Variants in WASF3 observed in about 807,000 individuals in gnomAD.
The protein encoded by WASF3 is actin-binding protein WASF3.
A neutral mutation model predicts 46.6 loss-of-function variants in WASF3; 11 were observed. That is an observed-to-expected ratio of 0.24 (90% confidence interval 0.15 to 0.39). The LOEUF (loss-of-function observed/expected upper bound fraction) is 0.39, where lower values mean the gene tolerates loss of function less well. Among genes scored for constraint, WASF3 ranks in the 10% least tolerant of loss-of-function variants. WASF3 has a pLI of 1.00. For synonymous variants in WASF3, 242 were observed against 259.7 expected, an observed-to-expected ratio of 0.93 and a Z score of 0.65; for missense variants, 576 against 669.8, an observed-to-expected ratio of 0.86 and a Z score of 1.55.
At chr13:26,588,206 A>G (rs549692113) in intron 1 of WASF3, among the ~76,000 whole-genome samples, 1 of 152,374 alleles carries the variant, frequency 6.6e-6, no homozygotes, top group South Asian at 2.1e-4. Flanking sequence ...TAGGAAAAAC[A>G]AGAATATAAG....
chr13:26,544,867 T>C, the WASF3 span, among the ~76,000 whole-genome samples: 2 of 152,282 alleles, frequency 1.3e-5, no homozygotes, highest in South Asian at 4.1e-4. Flanking sequence ...ACACGTGCTC[T>C]GCCTGTTTTT....
At chr13:26,617,266 T>G (rs1458014431) in intron 2 of WASF3, among the ~76,000 whole-genome samples, 5 of 128,528 alleles carry the variant, frequency 3.9e-5, no homozygotes, top group East Asian at 2.0e-4. Flanking sequence ...ATTTTTAGTG[T>G]TTTTTTTTTA....
chr13:26,577,170 C>A, intron 1 of WASF3: 1 of 755,612 alleles, frequency 1.3e-6, no homozygotes, highest in East Asian at 2.4e-5. Context: ...AGGGCAAAAA[C>A]TTCCTAACTT....
intron 3 of WASF3, among the ~76,000 whole-genome samples, chr13:26,648,254 A>G (rs1395871326): frequency 1.3e-5 from 2 of 152,236 alleles, no homozygotes; most frequent in African/African-American, 4.8e-5. Context: ...TTTGCAAATC[A>G]TTATAAAATC....
intron 1 of WASF3, among the ~76,000 whole-genome samples, chr13:26,570,495 A>G (rs1879603090): frequency 6.6e-6 from 1 of 152,032 alleles, no homozygotes; most frequent in Non-Finnish European, 1.5e-5. Flanking sequence ...GTATACATGT[A>G]TGTTTTCTTA....
intron 2 of WASF3, among the ~76,000 whole-genome samples, chr13:26,627,775 T>C (rs896368391): frequency 9.9e-5 from 15 of 151,788 alleles, no homozygotes; most frequent in Admixed American, 6.6e-5. Flanking sequence ...AAAATAGATA[T>C]ACCTAATGCT....
At chr13:26,539,623 T>C in the WASF3 span, among the ~76,000 whole-genome samples, 1 of 152,176 alleles carries the variant, frequency 6.6e-6, no homozygotes, top group African/African-American at 2.4e-5. Context: ...TTGCTAGAAC[T>C]AACCACTGCT....
intron 3 of WASF3, among the ~76,000 whole-genome samples, chr13:26,653,589 A>G (rs1020512196): frequency 1.1e-4 from 17 of 151,838 alleles, no homozygotes; most frequent in African/African-American, 3.6e-4. Context: ...CTCTGGAGAA[A>G]CTCTCTTCAC....
intron 1 of WASF3, among the ~76,000 whole-genome samples, chr13:26,558,820 A>G (rs1345311777): frequency 6.6e-6 from 1 of 152,234 alleles, no homozygotes. Flanking sequence ...TTAAATGCAT[A>G]GCAGAACATG....
Position 26,685,890 on chromosome 13 carries a change from T to C in WASF3, c.*45T>C. 1.3e-6 allele frequency: 2 copies of C among 1,596,626 alleles called. No homozygotes were observed. The highest frequency in any genetic ancestry group is 1.7e-6 in the Non-Finnish European group (2 of 1,166,030). ...CCGCGTGTGGGAGCGTGTTGAAGATTTTAAGTGGTCTCTACACCCAAATAG... is the reference window on the plus strand; with the variant it reads ...CCGCGTGTGGGAGCGTGTTGAAGATCTTAAGTGGTCTCTACACCCAAATAG... On this transcript the variant is annotated 3_prime_UTR_variant, in exon 10 of 10. Transcript: ENST00000335327.
At chr13:26,670,350 G>T (rs1882894916) in intron 5 of WASF3, among the ~76,000 whole-genome samples, 1 of 151,892 alleles carries the variant, frequency 6.6e-6, no homozygotes, top group South Asian at 2.1e-4. Context: ...CTGTTGGGGG[G>T]TGAGGGACAA....
At chr13:26,601,501 G>T (rs939535281) in intron 1 of WASF3, among the ~76,000 whole-genome samples, 1 of 152,202 alleles carries the variant, frequency 6.6e-6, no homozygotes, top group Admixed American at 6.5e-5. Context: ...TGATGGAGAG[G>T]ATAGGGGCAG....
At chr13:26,653,005 C>T (rs188344396) in intron 3 of WASF3, among the ~76,000 whole-genome samples, 288 of 152,308 alleles carry the variant, frequency 1.9e-3, no homozygotes, top group African/African-American at 5.9e-3. Context: ...TTCCACCTCG[C>T]ACCTCCCCAC....
chr13:26,567,505 G>T (rs1879500851), intron 1 of WASF3, among the ~76,000 whole-genome samples: 1 of 152,136 alleles, frequency 6.6e-6, no homozygotes, highest in Non-Finnish European at 1.5e-5. Flanking sequence ...TTTGTCTGGG[G>T]TTGCTTTAGT....
At chr13:26,600,761 C>T (rs1347670480) in intron 1 of WASF3, among the ~76,000 whole-genome samples, 2 of 152,122 alleles carry the variant, frequency 1.3e-5, no homozygotes, top group African/African-American at 2.4e-5. Context: ...CAGGAGCATC[C>T]GCTCTGCATT....
At chr13:26,685,324 A>G (rs1189906929) in intron 9 of WASF3, among the ~76,000 whole-genome samples, 1 of 152,156 alleles carries the variant, frequency 6.6e-6, no homozygotes, top group African/African-American at 2.4e-5. Context: ...TCCAGCCTGC[A>G]GCGTCCCAGA....
At chr13:26,604,997 G>A (rs891962139) in intron 1 of WASF3, among the ~76,000 whole-genome samples, 2 of 152,100 alleles carry the variant, frequency 1.3e-5, no homozygotes, top group South Asian at 2.1e-4. Flanking sequence ...GGACAGAGGC[G>A]CCAGGGTCCT....
intron 3 of WASF3, among the ~76,000 whole-genome samples, chr13:26,646,558 C>T (rs976864988): frequency 2.2e-4 from 33 of 152,154 alleles, no homozygotes; most frequent in African/African-American, 8.0e-4. Context: ...CTTACCTCCA[C>T]TCCCCACAGC....
chr13:26,554,064 C>CT (rs1879032088), upstream of WASF3, among the ~76,000 whole-genome samples: 1 of 84,702 alleles, frequency 1.2e-5, no homozygotes, highest in Non-Finnish European at 2.3e-5. Context: ...TCCTTCCTTC[C>CT]TTCCTTCCTT....
Sources: gnomAD v4.1 joint callset for allele counts (sites outside exome capture counted in the v4.1 genomes callset) on GRCh38, gnomAD v4.1.1 for gene constraint, MANE v1.5 for transcripts, NCBI Gene and HGNC (gene_info 2026-07-23, HGNC 2026-07-21) for gene names.